The following CHIT1 variants were observed in gnomAD, a reference collection of about 807,000 sequenced individuals.
CHIT1 encodes chitinase 1.
A neutral mutation model predicts 52.0 loss-of-function variants in CHIT1; 47 were observed. The ratio of observed to expected loss-of-function variants is 0.90; its 90% CI spans 0.71 to 1.15. The LOEUF (loss-of-function observed/expected upper bound fraction) is 1.15. Ranked by LOEUF, CHIT1 falls within the 50% of genes most tolerant of loss-of-function variation. CHIT1 has a pLI of 0.00. For missense variants in CHIT1, 569 were observed against 583.0 expected, an observed-to-expected ratio of 0.98 and a Z score of 0.25; for synonymous variants, 242 against 228.2, an observed-to-expected ratio of 1.06 and a Z score of -0.54.
At position 203,225,936 on chromosome 1, in the gene CHIT1, C is replaced by T. The variant is rs1656914155; in HGVS notation, c.56-66G>A. On this transcript the variant is annotated intron_variant, in intron 2 of 10. Transcript: ENST00000367229. ...GACCTTCTGGGGACTGGTCACCCTC[C>T]ATCTGGGGTAGGCAATGTCCTTGGA... is the stretch of plus-strand genomic sequence containing the variant. 1.9e-6 allele frequency: 3 copies of T among 1,545,588 alleles called. No individual in the cohort carries two copies. The Admixed American group carries it at 5.4e-5, about 28-fold the overall frequency.
At chr1:203,218,004 G>T (rs1295084409) in intron 9 of CHIT1, 139 bp from the exon 10 acceptor site, 1 of 1,535,456 alleles carries the variant, frequency 6.5e-7, no homozygotes, top group Admixed American at 2.0e-5. Context: ...TCTGGAGACA[G>T]CCTTGGGCTG....
At position 203,227,215 on chromosome 1, in the gene CHIT1, C is replaced by T. The variant is rs58511176; in HGVS notation, c.55+1318G>A. Among the ~76,000 whole-genome samples, 460 of 152,230 alleles carry T rather than the reference C, an allele frequency of 3.0e-3. 6 individuals carry two copies. The highest frequency in any genetic ancestry group is 0.01 in the African/African-American group (428 of 41,512). ...CTGACCTTGGGCATACACGTGGCCC[C>T]GGAGTGGTCACTGTCTCTAACCAGA... On this transcript the variant is annotated intron_variant, in intron 2 of 10. Coordinates refer to ENST00000367229, the MANE Select transcript of CHIT1 (RefSeq NM_003465.3).
rs761717527 is a variant in CHIT1 at position 203,219,828 on chromosome 1, G to A, written c.751C>T (p.Leu251=). 2.5e-6 allele frequency: 4 copies of A among 1,612,150 alleles called. No individual in the cohort carries two copies. Among genetic ancestry groups the A allele is most frequent in the Non-Finnish European group, 3.4e-6 (4 of 1,179,870 alleles). The change falls in exon 8 of 11, where the codon CTG becomes TTG. Residue 251 remains leucine, a synonymous_variant. Coordinates refer to ENST00000367229, the MANE Select transcript of CHIT1 (RefSeq NM_003465.3). ...TTGCTGGCAGGGGTCCCCTTCTGCA[G>A]CCACTGTTGCACAGCAGCATCCTGG... ...LNVDAAVQQW[L]QKGTPASKLI...
chr1:203,229,721 C>A, upstream of CHIT1: 1 of 1,550,058 alleles, frequency 6.5e-7, no homozygotes, highest in Non-Finnish European at 8.9e-7. Flanking sequence ...CTGTCCCACC[C>A]CAGCCAGGAG....
intron 8 of CHIT1, 128 bp downstream of exon 8, chr1:203,219,536 G>T: frequency 8.4e-7 from 1 of 1,196,320 alleles, no homozygotes. Flanking sequence ...TGGATGAGAT[G>T]GAATTTACAT....
At chr1:203,219,904 C>T in intron 7 of CHIT1, 55 bp from the exon 8 acceptor site, 3 of 1,598,108 alleles carry the variant, frequency 1.9e-6, no homozygotes, top group Admixed American at 1.7e-5. Flanking sequence ...TTCTGATTAT[C>T]TAAGTCTGGG....
Position 203,216,303 on chromosome 1 carries a change from C to T in CHIT1, c.*586G>A, listed in dbSNP as rs1371257003. ...ATTTATCTCGAAGACCCCTGAGTAC[C>T]AGGGGTCTGAATTCTTAGTGTAATG... is the stretch of plus-strand genomic sequence containing the variant. On this transcript the variant is annotated 3_prime_UTR_variant, in exon 11 of 11. Coordinates refer to ENST00000367229, the MANE Select transcript of CHIT1 (RefSeq NM_003465.3). 1 of 454,040 alleles carries T rather than the reference C, an allele frequency of 2.2e-6. No individual in the cohort carries two copies. Among genetic ancestry groups the T allele is most frequent in the East Asian group, 6.9e-5 (1 of 14,394 alleles). 28.1% of individuals were successfully genotyped at this position (454,040 alleles called of 1,614,324 possible). A position where few individuals can be genotyped will look rare whatever the true frequency, so the allele number is the denominator to read the frequency against.
rs527451922 is a variant in CHIT1, at chr1:203,222,254, C to A, written c.677G>T (p.Ser226Ile). The A allele has an allele frequency of 3.7e-6, 6 of 1,614,172 alleles. No homozygotes were observed. The East Asian group carries it at 1.3e-4, about 36-fold the overall frequency. The change falls in exon 7 of 11, where the codon AGC becomes ATC. Residue 226 changes from serine to isoleucine, a missense_variant. Transcript: ENST00000367229. ...GSWEKVTGHN[S>I]PLYKRQEESG... ...CTCTTCTTGCCTCTTGTAGAGGGGG[C>A]TGTTATGTCCCGTGACCTTCTCCCA...
chr1:203,217,631 A>T (rs1571842015), intron 10 of CHIT1, 108 bp downstream of exon 10: 1 of 1,557,202 alleles, frequency 6.4e-7, no homozygotes, highest in Non-Finnish European at 8.8e-7. Context: ...GTATTGGGGC[A>T]AAGTCATTTC....
intron 9 of CHIT1, among the ~76,000 whole-genome samples, chr1:203,218,507 G>A (rs1656619969): frequency 6.6e-6 from 1 of 152,118 alleles, no homozygotes; most frequent in Non-Finnish European, 1.5e-5. Context: ...GTCCAGCTAT[G>A]TGGGCCTACA....
intron 7 of CHIT1, 84 bp from the exon 8 acceptor site, chr1:203,219,933 A>C (rs573761688): frequency 7.9e-6 from 12 of 1,515,584 alleles, no homozygotes; most frequent in Non-Finnish European, 1.1e-5. Context: ...AGGCAGAGCT[A>C]GGAGGGCAGG....
At chr1:203,222,568 C>A (rs571776319) in intron 6 of CHIT1, among the ~76,000 whole-genome samples, 2 of 152,320 alleles carry the variant, frequency 1.3e-5, no homozygotes, top group African/African-American at 2.4e-5. Context: ...CCCCTCAGCA[C>A]CCCCAGGCCC....
At chr1:203,229,697 T>G, upstream of CHIT1, 1 of 1,605,456 alleles carries the variant, frequency 6.2e-7, no homozygotes. Flanking sequence ...CTGCTCTGCT[T>G]TTATCTGGCC....
chr1:203,221,299 T>A (rs916780161), intron 7 of CHIT1, among the ~76,000 whole-genome samples: 7 of 152,238 alleles, frequency 4.6e-5, no homozygotes, highest in Admixed American at 3.9e-4. Context: ...TGCAGGGTTT[T>A]ATAAACCCTC....
chr1:203,222,620 TGGA>T (rs1159014613), intron 6 of CHIT1, among the ~76,000 whole-genome samples: 1 of 152,244 alleles, frequency 6.6e-6, no homozygotes, highest in Non-Finnish European at 1.5e-5. Flanking sequence ...ATTGCTATTC[TGGA>T]GGGAACTCTA....
intron 2 of CHIT1, among the ~76,000 whole-genome samples, chr1:203,227,159 G>A (rs969079558): frequency 6.6e-6 from 1 of 152,200 alleles, no homozygotes; most frequent in Non-Finnish European, 1.5e-5. Context: ...CGCTCAGGCA[G>A]GCCTCAACTA....
rs775975042 is a variant in CHIT1, at chr1:203,219,271, A to G, written c.974T>C (p.Ile325Thr). The G allele has an allele frequency of 4.4e-6, 7 of 1,603,616 alleles. No individual in the cohort carries two copies. The South Asian group carries it at 7.7e-5, about 18-fold the overall frequency. Residue 325 changes from isoleucine to threonine, a missense_variant, in exon 9 of 11, where the codon ATC (isoleucine) becomes ACC (threonine). Physicochemically the swap from Ile to Thr is moderately conservative, Grantham distance 89. Coordinates refer to ENST00000367229, the MANE Select transcript of CHIT1 (RefSeq NM_003465.3). ...GCCCACCCACTGGTTGTCCCGGAAG[A>G]TGTAGGGCACCTTCTGATCCTGGAT... ...QRIQDQKVPY[I>T]FRDNQWVGFD...
At position 203,216,917 on chromosome 1, in the gene CHIT1, T is replaced by C. The variant is rs773738960; in HGVS notation, c.1373A>G (p.Asn458Ser). ...ATTCCAGGTGCAGCATTTGCAGGAG[T>C]TGCTGAACACCAGGCCTGTCGGGCA... is the stretch of plus-strand genomic sequence containing the variant. ...QSCPTGLVFS[N>S]SCKCCTWN The change falls in exon 11 of 11, where the codon AAC becomes AGC. Residue 458 changes from asparagine to serine, a missense_variant. Asn to Ser is a conservative substitution (Grantham distance 46). Coordinates refer to ENST00000367229, the MANE Select transcript of CHIT1 (RefSeq NM_003465.3). 8.7e-6 allele frequency: 14 copies of C among 1,613,724 alleles called. No homozygotes were observed. The Admixed American group carries it at 1.0e-4, about 12-fold the overall frequency.
chr1:203,220,318 G>A (rs1656689589), intron 7 of CHIT1, among the ~76,000 whole-genome samples: 1 of 152,194 alleles, frequency 6.6e-6, no homozygotes, highest in Non-Finnish European at 1.5e-5. Context: ...TCAGCACAAC[G>A]CAATAAAGGG....
Sources: gnomAD v4.1 joint callset for allele counts (sites outside exome capture counted in the v4.1 genomes callset) on GRCh38, gnomAD v4.1.1 for gene constraint, MANE v1.5 for transcripts, NCBI Gene and HGNC (gene_info 2026-07-23, HGNC 2026-07-21) for gene names.